The following TTC28 variants were observed in gnomAD, a reference collection of about 807,000 sequenced individuals.
TTC28 encodes the protein tetratricopeptide repeat protein 28.
A neutral mutation model predicts 198.0 loss-of-function variants in TTC28; 61 were observed. That is an observed-to-expected ratio of 0.31 (90% CI 0.25 to 0.38). TTC28 has a LOEUF of 0.38. TTC28 is among the 10% of genes least tolerant of loss of function. The probability of loss-of-function intolerance (pLI) is 1.00; values close to 1 mark genes in which losing one functional copy is unlikely to be tolerated. For synonymous variants in TTC28, 1,171 were observed against 1,297.8 expected (o/e 0.90, Z 2.10); for missense variants, 2,678 against 3,164.0 (o/e 0.85, Z 3.69).
At chr22:28,277,484 T>C (rs1212074982) in intron 5 of TTC28, among the ~76,000 whole-genome samples, 2 of 152,208 alleles carry the variant, frequency 1.3e-5, no homozygotes, top group Non-Finnish European at 2.9e-5. Context: ...TTAATTATTC[T>C]AAGCCACAAT....
intron 2 of TTC28, among the ~76,000 whole-genome samples, chr22:28,470,173 G>A (rs1165181502): frequency 6.6e-6 from 1 of 152,134 alleles, no homozygotes; most frequent in Non-Finnish European, 1.5e-5. Flanking sequence ...AATCTAAATT[G>A]TTTAAGCCAT....
intron 6 of TTC28, among the ~76,000 whole-genome samples, chr22:28,118,296 G>A (rs572068830): frequency 5.3e-5 from 8 of 152,166 alleles, no homozygotes; most frequent in African/African-American, 1.7e-4. Flanking sequence ...CTACTCAGGA[G>A]GCTGAGGTGG....
chr22:28,322,382 C>T (rs16986311), intron 2 of TTC28, among the ~76,000 whole-genome samples: 3,224 of 152,088 alleles, frequency 0.021, 32 homozygotes, highest in Non-Finnish European at 0.027. Flanking sequence ...GTTTCCCTGA[C>T]ACGTATTATC....
At chr22:28,372,069 C>T (rs1468330128) in intron 2 of TTC28, among the ~76,000 whole-genome samples, 1 of 151,870 alleles carries the variant, frequency 6.6e-6, no homozygotes, top group Non-Finnish European at 1.5e-5. Flanking sequence ...GCATGGATGA[C>T]AGAACAAGAC....
chr22:28,038,592 T>C (rs868099896), intron 12 of TTC28, among the ~76,000 whole-genome samples: 5 of 152,222 alleles, frequency 3.3e-5, no homozygotes, highest in African/African-American at 7.2e-5. Flanking sequence ...GCAATACCAT[T>C]CAGGACATAG....
intron 6 of TTC28, among the ~76,000 whole-genome samples, chr22:28,136,655 C>T (rs909699725): frequency 6.6e-6 from 1 of 152,180 alleles, no homozygotes; most frequent in African/African-American, 2.4e-5. Context: ...TTCTGTGTCC[C>T]TGCTTGAATT....
In TTC28 at chr22:27,998,599, C is replaced by T. The variant is rs1331515938; in HGVS notation, c.5060G>A (p.Gly1687Glu). 4.5e-6 allele frequency: 7 copies of T among 1,550,710 alleles called. No homozygotes were observed. In the African/African-American group the frequency reaches 6.8e-5, roughly 15 times the overall value. ...GCTCTGCACCACCTTCATGGCCTCC[C>T]CCAGGGCGGCGCTGGCTTTCAGGCC... The part of the protein sequence containing the change: ...LNGLKASAAL[G>E]EAMKVVQSSK... Residue 1687 changes from glycine to glutamate, a missense_variant, in exon 16 of 23, where the codon GGG (glycine) becomes GAG (glutamate). By Grantham distance (98) the Gly-to-Glu change is moderately conservative. This residue lies in a region of TTC28 where 314 missense variants were observed against 442.7 expected (regional missense o/e 0.71). Coordinates refer to ENST00000397906, the MANE Select transcript of TTC28 (RefSeq NM_001145418.2).
At chr22:28,498,256 C>T (rs140894162) in intron 2 of TTC28, among the ~76,000 whole-genome samples, 284 of 152,204 alleles carry the variant, frequency 1.9e-3, no homozygotes, top group African/African-American at 6.5e-3. Flanking sequence ...AGATCAACCA[C>T]GATAAGGTTC....
intron 13 of TTC28, among the ~76,000 whole-genome samples, chr22:28,016,982 C>T (rs1434024942): frequency 6.6e-6 from 1 of 152,204 alleles, no homozygotes; most frequent in African/African-American, 2.4e-5. Flanking sequence ...AGTCTGATGC[C>T]GGCCAGCAAT....
At position 28,222,142 on chromosome 22, in the gene TTC28, A is replaced by C. The variant is rs530025949; in HGVS notation, c.934-58543T>G. ...TGGGTTCACCTAGCTGCTGCTCTTT[A>C]ATGAGCATTGATGCAGCTGAAGCCT... On this transcript the variant is annotated intron_variant, in intron 5 of 22. Coordinates refer to ENST00000397906, the MANE Select transcript of TTC28 (RefSeq NM_001145418.2). 2.4e-4 allele frequency among the ~76,000 whole-genome samples: 36 copies of C among 152,304 alleles called. No individual in the cohort carries two copies. In the South Asian group the frequency reaches 3.5e-3, roughly 15 times the overall value.
At chr22:28,320,793 T>C (rs2045433733) in intron 2 of TTC28, among the ~76,000 whole-genome samples, 1 of 152,210 alleles carries the variant, frequency 6.6e-6, no homozygotes, top group Admixed American at 6.5e-5. Context: ...GACCTCTGAT[T>C]CTGGGTTCCA....
chr22:28,029,179 G>A, intron 13 of TTC28: 3 of 463,430 alleles, frequency 6.5e-6, no homozygotes, highest in Non-Finnish European at 1.3e-5. Context: ...GGAACTAAGG[G>A]TGAACTAGCT....
In TTC28 at chr22:28,677,295, T is replaced by G. The variant is rs2052013010; in HGVS notation, c.102+2327A>C. Among the ~76,000 whole-genome samples the G allele has an allele frequency of 2.0e-5, 3 of 151,464 alleles. No homozygotes were observed. The South Asian group carries it at 6.2e-4, about 31-fold the overall frequency. On this transcript the variant is annotated intron_variant, in intron 1 of 22. Transcript: ENST00000397906. ...AAAATAGTTCCTGAAATATTAATTTTCAAACAATTCTATTTTAGCTTTGAC... is the reference window on the plus strand; with the variant it reads ...AAAATAGTTCCTGAAATATTAATTTGCAAACAATTCTATTTTAGCTTTGAC...
At chr22:28,542,158 A>G (rs1240683892) in intron 2 of TTC28, among the ~76,000 whole-genome samples, 1 of 152,150 alleles carries the variant, frequency 6.6e-6, no homozygotes, top group Non-Finnish European at 1.5e-5. Context: ...CAGCCATAAA[A>G]AAATTTTTTT....
intron 2 of TTC28, among the ~76,000 whole-genome samples, chr22:28,505,994 G>GT (rs1269840605): frequency 2.0e-5 from 3 of 152,218 alleles, no homozygotes; most frequent in East Asian, 3.9e-4. Context: ...ACAAGGAAGG[G>GT]TCCCCCACAG....
At chr22:28,641,798 A>G (rs1366946122) in intron 1 of TTC28, among the ~76,000 whole-genome samples, 1 of 152,240 alleles carries the variant, frequency 6.6e-6, no homozygotes, top group Admixed American at 6.5e-5. Context: ...GGGAATGAAT[A>G]ATACTGGAAA....
intron 10 of TTC28, among the ~76,000 whole-genome samples, chr22:28,097,341 A>G (rs1379510167): frequency 6.6e-6 from 1 of 152,222 alleles, no homozygotes; most frequent in Non-Finnish European, 1.5e-5. Context: ...CACTACATGT[A>G]TAACAGGTAG....
intron 22 of TTC28, among the ~76,000 whole-genome samples, chr22:27,984,153 C>T (rs1937125352): frequency 6.6e-6 from 1 of 152,142 alleles, no homozygotes; most frequent in South Asian, 2.1e-4. Context: ...CTGTATCCGC[C>T]TTCCTCTGAG....
In TTC28 at chr22:28,460,644, T is replaced by C. The variant is rs149772892; in HGVS notation, c.382-154001A>G. Among the ~76,000 whole-genome samples the C allele has an allele frequency of 6.5e-5, 9 of 137,794 alleles. No individual in the cohort carries two copies. In the East Asian group the frequency reaches 6.7e-4, roughly 10 times the overall value. 90.4% of individuals were successfully genotyped at this position (137,794 alleles called of 152,430 possible). On this transcript the variant is annotated intron_variant, in intron 2 of 22. Transcript: ENST00000397906. ...ATAGATAGATAGATAGATAGATAGA[T>C]AGATAGATAGATAGATAGATAGACA... is the stretch of plus-strand genomic sequence containing the variant.
Sources: gnomAD v4.1 joint callset for allele counts (sites outside exome capture counted in the v4.1 genomes callset) on GRCh38, gnomAD v4.1.1 for gene constraint, gnomAD v4.1.1 regional missense constraint, MANE v1.5 for transcripts, NCBI Gene and HGNC (gene_info 2026-07-23, HGNC 2026-07-21) for gene names.